Variants in MSH3 observed in about 807,000 individuals in gnomAD.
MSH3 encodes mutS homolog 3.
Under a neutral mutation model 123.3 loss-of-function variants are expected in MSH3, and 106 were observed. The observed-to-expected ratio is 0.86, with a 90% CI of 0.73 to 1.01. The LOEUF (loss-of-function observed/expected upper bound fraction) is 1.01, where lower values mean the gene tolerates loss of function less well. Ranked by LOEUF, MSH3 falls within the 50% of genes least tolerant of loss-of-function variation. MSH3 has a pLI of 0.00. For synonymous variants in MSH3, 515 were observed against 481.4 expected (o/e 1.07, Z -0.91); for missense variants, 1,459 against 1,347.6 (o/e 1.08, Z -1.29).
At chr5:80,782,160 G>A (rs1166657454) in intron 17 of MSH3, among the ~76,000 whole-genome samples, 1 of 151,852 alleles carries the variant, frequency 6.6e-6, no homozygotes, top group African/African-American at 2.4e-5. Flanking sequence ...ATATATATAT[G>A]TATATGTAGA....
Position 80,746,294 on chromosome 5 carries a change from G to T in MSH3, c.1763+1679G>T, listed in dbSNP as rs190054998. 1.9e-5 allele frequency: 6 copies of T among 313,080 alleles called. No individual in the cohort carries two copies. The Admixed American group carries it at 2.7e-4, about 14-fold the overall frequency. 19.4% of individuals were successfully genotyped at this position (313,080 alleles called of 1,614,324 possible). A position where few individuals can be genotyped will look rare whatever the true frequency, so the allele number is the denominator to read the frequency against. On this transcript the variant is annotated intron_variant, in intron 12 of 23. Coordinates refer to ENST00000265081, the MANE Select transcript of MSH3 (RefSeq NM_002439.5). Reference sequence around the variant, plus strand: ...AATTTTAAACAGAGCAGGGCAGCTAGTATTTGGAACAATCCTTACAGTGTG... The same window carrying T: ...AATTTTAAACAGAGCAGGGCAGCTATTATTTGGAACAATCCTTACAGTGTG...
At chr5:80,820,726 A>G (rs1745190860) in intron 20 of MSH3, among the ~76,000 whole-genome samples, 2 of 152,234 alleles carry the variant, frequency 1.3e-5, no homozygotes, top group African/African-American at 2.4e-5. Flanking sequence ...TCAAATTTCT[A>G]TGTAAGTTTC....
chr5:80,697,708 GA>G (rs1355100365), intron 8 of MSH3, among the ~76,000 whole-genome samples: 1 of 151,762 alleles, frequency 6.6e-6, no homozygotes, highest in African/African-American at 2.4e-5. Flanking sequence ...TTGTTTGAAT[GA>G]AAAAAAATCC....
chr5:80,712,750 A>C (rs1750883960), intron 8 of MSH3, among the ~76,000 whole-genome samples: 1 of 147,874 alleles, frequency 6.8e-6, no homozygotes, highest in Non-Finnish European at 1.5e-5. Context: ...TCACGATGTG[A>C]TCTGTTTTCT....
intron 21 of MSH3, among the ~76,000 whole-genome samples, chr5:80,854,604 T>A (rs1056831515): frequency 6.6e-6 from 1 of 152,222 alleles, no homozygotes; most frequent in Non-Finnish European, 1.5e-5. Flanking sequence ...TGTACATGGA[T>A]GATACATATT....
chr5:80,691,044 T>A (rs1750233418), intron 8 of MSH3, among the ~76,000 whole-genome samples: 1 of 151,968 alleles, frequency 6.6e-6, no homozygotes, highest in Admixed American at 6.6e-5. Context: ...ATTCATAGAT[T>A]ATTTTATATA....
intron 18 of MSH3, among the ~76,000 whole-genome samples, chr5:80,791,408 TA>T (rs1744603892): frequency 2.6e-5 from 4 of 152,338 alleles, no homozygotes; most frequent in Admixed American, 2.6e-4. Context: ...TAGAACCTAT[TA>T]GAAATGTATT....
At chr5:80,687,280 A>G (rs957371734) in intron 8 of MSH3, among the ~76,000 whole-genome samples, 18 of 152,212 alleles carry the variant, frequency 1.2e-4, no homozygotes, top group Non-Finnish European at 2.5e-4. Context: ...AATGGAAAGC[A>G]ATAGTCTCGA....
intron 19 of MSH3, among the ~76,000 whole-genome samples, chr5:80,810,962 A>C (rs1426885311): frequency 6.6e-6 from 1 of 152,034 alleles, no homozygotes; most frequent in South Asian, 2.1e-4. Flanking sequence ...TTTGAGCATC[A>C]TATTGTTGCT....
Position 80,665,248 on chromosome 5 carries a change from C to T in MSH3, c.464C>T (p.Ser155Phe). ...CCTCAAAGTAGAGTCCAGACAGAAT[C>T]TCTGCAGGAGAGATTTGCAGTTCTG... ...ALPQSRVQTE[S>F]LQERFAVLPK... Residue 155 changes from serine to phenylalanine, a missense_variant, in exon 3 of 24, where the codon TCT becomes TTT. Transcript: ENST00000265081. The T allele has an allele frequency of 6.2e-7, 1 of 1,614,080 alleles. No individual in the cohort carries two copies. Among genetic ancestry groups the T allele is most frequent in the Non-Finnish European group, 8.5e-7 (1 of 1,179,980 alleles).
At chr5:80,670,036 C>T (rs1302551983) in intron 3 of MSH3, 61 bp from the exon 4 acceptor site, 2 of 1,503,304 alleles carry the variant, frequency 1.3e-6, no homozygotes, top group African/African-American at 2.8e-5. Flanking sequence ...CATTTTCCGT[C>T]TCTGGGAACT....
chr5:80,854,229 G>C lies in MSH3; in HGVS notation c.2913G>C (p.Leu971Phe), dbSNP rs775386491. The stretch of plus-strand genomic sequence containing the variant: ...TCAGAAAAGCAACATCACAGTCCTT[G>C]GTTATCTTGGATGAACTAGGAAGAG... ...EIIRKATSQS[L>F]VILDELGRGT... Residue 971 changes from leucine (L) to phenylalanine (F), a missense_variant, in exon 21 of 24, where the codon TTG becomes TTC. Physicochemically the swap from Leu to Phe is conservative, Grantham distance 22. Coordinates refer to ENST00000265081, the MANE Select transcript of MSH3 (RefSeq NM_002439.5). 4.3e-6 allele frequency: 7 copies of C among 1,613,682 alleles called. No homozygotes were observed. The East Asian group carries it at 1.6e-4, about 36-fold the overall frequency.
At chr5:80,733,647 A>G (rs1743452850) in intron 10 of MSH3, among the ~76,000 whole-genome samples, 1 of 152,130 alleles carries the variant, frequency 6.6e-6, no homozygotes, top group Admixed American at 6.5e-5. Flanking sequence ...AAGATAACTC[A>G]GAAAATGGAC....
rs2112884484 is a variant in MSH3 at position 80,768,070 on chromosome 5, C to T, written c.2034C>T (p.Leu678=). ...LRTVILEIPE[L]LSPVEHYLKI... ...CCGTTATTTTAGAAATTCCTGAACT[C>T]CTCAGTCCAGTGGAGCATTACTTAA... The change falls in exon 14 of 24, where the codon CTC becomes CTT. Residue 678 remains leucine, a synonymous_variant. Coordinates refer to ENST00000265081, the MANE Select transcript of MSH3 (RefSeq NM_002439.5). 2 of 1,613,752 alleles carry T rather than the reference C, an allele frequency of 1.2e-6. No individual in the cohort carries two copies. The highest frequency in any genetic ancestry group is 1.3e-5 in the African/African-American group (1 of 75,004).
intron 18 of MSH3, among the ~76,000 whole-genome samples, chr5:80,789,973 A>G (rs189530576): frequency 2.0e-5 from 3 of 152,338 alleles, no homozygotes; most frequent in Admixed American, 2.0e-4. Flanking sequence ...AAACATTAGA[A>G]AGTTTAATAA....
intron 8 of MSH3, among the ~76,000 whole-genome samples, chr5:80,699,958 TC>T (rs1281439253): frequency 9.2e-5 from 14 of 152,228 alleles, no homozygotes; most frequent in African/African-American, 3.4e-4. Flanking sequence ...TATTTTGTCT[TC>T]CCCATTTTCC....
intron 20 of MSH3, among the ~76,000 whole-genome samples, chr5:80,828,015 C>T (rs116152815): frequency 0.01 from 1,540 of 152,252 alleles, 10 homozygotes; most frequent in Non-Finnish European, 0.016. Context: ...TCAGCATCCC[C>T]CACCAGAGTA....
Position 80,696,862 on chromosome 5 carries a change from C to T in MSH3, c.1340+17769C>T, listed in dbSNP as rs373257117. On this transcript the variant is annotated intron_variant, in intron 8 of 23. Transcript: ENST00000265081. Reference sequence around the variant, plus strand: ...GATAATGCCAGTGTGCAAATTTTAACTGCAATAGAATTGAATTTTGCACAT... The same window carrying T: ...GATAATGCCAGTGTGCAAATTTTAATTGCAATAGAATTGAATTTTGCACAT... Among the ~76,000 whole-genome samples the T allele has an allele frequency of 5.6e-4, 85 of 152,236 alleles. No individual in the cohort carries two copies. The East Asian group carries it at 0.015, about 27-fold the overall frequency.
rs1580106509 is a variant in MSH3 at position 80,876,162 on chromosome 5, G to A, written c.*300G>A. Reference sequence around the variant, plus strand: ...AATATAATTCCCAAGCTTTTGGAGGGTGATATAAAAATTTACTTGATATTT... The same window carrying A: ...AATATAATTCCCAAGCTTTTGGAGGATGATATAAAAATTTACTTGATATTT... On this transcript the variant is annotated 3_prime_UTR_variant, in exon 24 of 24. Coordinates refer to ENST00000265081, the MANE Select transcript of MSH3 (RefSeq NM_002439.5). 9.6e-6 allele frequency: 3 copies of A among 312,974 alleles called. No individual in the cohort carries two copies. Among genetic ancestry groups the A allele is most frequent in the Non-Finnish European group, 1.2e-5 (2 of 171,206 alleles). 19.4% of individuals were successfully genotyped at this position (312,974 alleles called of 1,614,324 possible). A position where few individuals can be genotyped will look rare whatever the true frequency, so the allele number is the denominator to read the frequency against.
Sources: allele counts gnomAD v4.1 joint callset (sites outside exome capture counted in the v4.1 genomes callset), GRCh38; gene constraint gnomAD v4.1.1; transcripts MANE v1.5; gene names NCBI Gene and HGNC (gene_info 2026-07-23, HGNC 2026-07-21).